The following LINC02747 variants were observed in gnomAD, a reference collection of about 807,000 sequenced individuals.
LINC02747 encodes CCND1-upstream intergenic DNA repair 2.
chr11:69,481,022 G>A (rs1857043566), intron 1 of LINC02747, among the ~76,000 whole-genome samples: 2 of 152,212 alleles, frequency 1.3e-5, no homozygotes, highest in Non-Finnish European at 2.9e-5. Context: ...GGCACCTACA[G>A]TGTGCTGGGC....
chr11:69,481,299 C>A (rs477098), intron 1 of LINC02747: 1 of 152,292 alleles, frequency 6.6e-6, no homozygotes, highest in Admixed American at 6.5e-5. Flanking sequence ...GGGGTCCCCA[C>A]CAGAATCTCT....
rs139375140 is a variant in LINC02747 at position 69,478,068 on chromosome 11, G to A, written n.121-455C>T. On this transcript the variant is annotated intron_variant and non_coding_transcript_variant, in intron 1 of 1. Coordinates refer to ENST00000645449, the Ensembl canonical transcript of LINC02747. ...ATGGGTGCAAGTTCTTTCTCCGTGG[G>A]TCCGAGAGGGGCTGCTAACAAATGA... 3.3e-3 allele frequency among the ~76,000 whole-genome samples: 503 copies of A among 152,282 alleles called. 5 individuals are homozygous for A. Among genetic ancestry groups the A allele is most frequent in the African/African-American group, 0.011 (467 of 41,540 alleles).
At position 69,480,684 on chromosome 11, in the gene LINC02747, G is replaced by A. The variant is rs143484041; in HGVS notation, n.120+742C>T. ...CAACTCCTCTTCCCTGCTATGAATC[G>A]TGAAACAAAGTGTTCAGGTCACCAC... On this transcript the variant is annotated intron_variant and non_coding_transcript_variant, in intron 1 of 1. Transcript: ENST00000645449. Among the ~76,000 whole-genome samples, 730 of 152,278 alleles carry A rather than the reference G, an allele frequency of 4.8e-3. 7 individuals are homozygous for A. The highest frequency in any genetic ancestry group is 0.016 in the African/African-American group (680 of 41,564).
intron 1 of LINC02747, among the ~76,000 whole-genome samples, chr11:69,481,161 T>A (rs1157797972): frequency 6.6e-6 from 1 of 152,066 alleles, no homozygotes; most frequent in Non-Finnish European, 1.5e-5. Flanking sequence ...TGTTACTAGA[T>A]CCCCACTTGA....
At chr11:69,481,276 C>G (rs1406151155) in intron 1 of LINC02747, 1 of 152,302 alleles carries the variant, frequency 6.6e-6, no homozygotes, top group South Asian at 2.1e-4. Context: ...GATGGCTGCC[C>G]TCACTCAGTT....
At chr11:69,477,538 C>A (rs570999871) in exon 2 of LINC02747, 1 of 152,196 alleles carries the variant, frequency 6.6e-6, no homozygotes, top group African/African-American at 2.4e-5. Context: ...AATGGCAGCA[C>A]GGTGTCATCT....
At chr11:69,476,683 T>A (rs1436008992) in exon 2 of LINC02747, 1 of 151,804 alleles carries the variant, frequency 6.6e-6, no homozygotes, top group African/African-American at 2.4e-5. Flanking sequence ...GAATCAAGGG[T>A]GATGATAAAA....
exon 2 of LINC02747, chr11:69,476,041 C>T (rs1856990123): frequency 6.6e-6 from 1 of 152,202 alleles, no homozygotes; most frequent in Admixed American, 6.5e-5. Context: ...GAGCTAGTCC[C>T]TGGGTTTGTC....
intron 1 of LINC02747, among the ~76,000 whole-genome samples, chr11:69,478,782 C>T (rs904123530): frequency 3.9e-5 from 6 of 152,184 alleles, no homozygotes; most frequent in African/African-American, 1.4e-4. Context: ...AGGAGAATCA[C>T]TTGAACCCAG....
intron 1 of LINC02747, among the ~76,000 whole-genome samples, chr11:69,480,870 A>G (rs945362616): frequency 1.3e-5 from 2 of 152,208 alleles, no homozygotes; most frequent in African/African-American, 2.4e-5. Context: ...AGTGTGAGGT[A>G]GCACAGGCCT....
At chr11:69,477,877 G>C (rs1857010928) in intron 1 of LINC02747, among the ~76,000 whole-genome samples, 3 of 152,166 alleles carry the variant, frequency 2.0e-5, no homozygotes, top group Admixed American at 6.5e-5. Context: ...GAAAATGCAA[G>C]ATGAAAATGC....
chr11:69,475,803 G>C (rs1856987687), exon 2 of LINC02747: 1 of 152,164 alleles, frequency 6.6e-6, no homozygotes, highest in African/African-American at 2.4e-5. Flanking sequence ...CGCACCCTCA[G>C]GACTCAACTA....
At chr11:69,480,885 G>C (rs1043713864) in intron 1 of LINC02747, among the ~76,000 whole-genome samples, 1 of 152,158 alleles carries the variant, frequency 6.6e-6, no homozygotes, top group Non-Finnish European at 1.5e-5. Flanking sequence ...AGGCCTCTTC[G>C]ATTCCCAAGG....
At chr11:69,479,790 A>G (rs1000046052) in intron 1 of LINC02747, 5 of 152,476 alleles carry the variant, frequency 3.3e-5, no homozygotes, top group African/African-American at 7.2e-5. Flanking sequence ...GCAGGTGCAC[A>G]TCTTCCTAGC....
exon 2 of LINC02747, chr11:69,476,281 C>T (rs931254878): frequency 6.6e-5 from 10 of 152,320 alleles, no homozygotes; most frequent in African/African-American, 9.6e-5. Flanking sequence ...GCTCCCCTTC[C>T]CTGGGGCCCT....
intron 1 of LINC02747, among the ~76,000 whole-genome samples, chr11:69,478,112 G>A (rs998866005): frequency 2.6e-5 from 4 of 152,198 alleles, no homozygotes; most frequent in Non-Finnish European, 5.9e-5. Flanking sequence ...ATGGCTGCAG[G>A]TCATGCCGCT....
At chr11:69,478,810 G>A (rs948912357) in intron 1 of LINC02747, among the ~76,000 whole-genome samples, 4 of 152,124 alleles carry the variant, frequency 2.6e-5, no homozygotes, top group Non-Finnish European at 4.4e-5. Flanking sequence ...AGGCTGCAGC[G>A]AGCCGAGATT....
At chr11:69,478,277 G>C (rs1857014646) in intron 1 of LINC02747, among the ~76,000 whole-genome samples, 1 of 152,166 alleles carries the variant, frequency 6.6e-6, no homozygotes, top group African/African-American at 2.4e-5. Flanking sequence ...ACGGAGTGGA[G>C]GCTGGAAAGT....
rs545121857 is a variant in LINC02747, at chr11:69,480,106, G to A, written n.120+1320C>T. Among the ~76,000 whole-genome samples, 21 of 152,294 alleles carry A rather than the reference G, an allele frequency of 1.4e-4. No individual in the cohort carries two copies. The South Asian group carries it at 3.3e-3, about 24-fold the overall frequency. The stretch of plus-strand genomic sequence containing the variant: ...AAAGCAGTCTGGATGCCCCAGTTGC[G>A]GCTGGCTCAACGGCTTTATCTGACA... On this transcript the variant is annotated intron_variant and non_coding_transcript_variant, in intron 1 of 1. Coordinates refer to ENST00000645449, the Ensembl canonical transcript of LINC02747.
Sources: gnomAD v4.1 joint callset for allele counts (sites outside exome capture counted in the v4.1 genomes callset) on GRCh38, gnomAD v4.1.1 for gene constraint, MANE v1.5 for transcripts, NCBI Gene and HGNC (gene_info 2026-07-23, HGNC 2026-07-21) for gene names.